The following MINK1 variants were observed in gnomAD, a reference collection of about 807,000 sequenced individuals.
The protein encoded by MINK1 is misshapen like kinase 1.
MINK1 carries 46 observed loss-of-function variants against 178.4 expected under a neutral mutation model. The observed-to-expected ratio is 0.26, with a 90% CI of 0.20 to 0.33. The LOEUF (loss-of-function observed/expected upper bound fraction) is 0.33. MINK1 is among the 10% of genes least tolerant of loss of function. MINK1 has a pLI of 1.00. For missense variants in MINK1, 1,366 were observed against 1,814.9 expected (o/e 0.75, Z 4.49); for synonymous variants, 797 against 709.7 (o/e 1.12, Z -1.96).
Position 4,897,991 on chromosome 17 carries a change from C to CCCCCCCT in MINK1, c.*705_*706insCCCCCTC, listed in dbSNP as rs1555545738. ...GCAAGTAACCCTTCTCCCTCCCCCC[C>CCCCCCCT]CACCCCTCCTCAATGTAGTGGCCTT... On this transcript the variant is annotated 3_prime_UTR_variant, in exon 32 of 32. Coordinates refer to ENST00000355280, the MANE Select transcript of MINK1 (RefSeq NM_153827.5). 3.4e-5 allele frequency: 5 copies of CCCCCCCT among 145,830 alleles called. No individual in the cohort carries two copies. The highest frequency in any genetic ancestry group is 6.8e-5 in the Admixed American group (1 of 14,656). The allele number at this position is 145,830 out of a possible 1,614,324, so 9.0% of individuals were successfully genotyped here.
Position 4,833,798 on chromosome 17 carries a change from G to A in MINK1, c.57+158G>A, listed in dbSNP as rs1908853411. Reference sequence around the variant, plus strand: ...CTTTCCCGGACTCCCGCCGCGGCTGGGCCCCCGCCCTCTGCTCCCTTCTCT... The same window carrying A: ...CTTTCCCGGACTCCCGCCGCGGCTGAGCCCCCGCCCTCTGCTCCCTTCTCT... On this transcript the variant is annotated intron_variant, in intron 1 of 31. Transcript: ENST00000355280. The surrounding 1 kb of genome is among the most constrained non-coding windows in gnomAD (Gnocchi z 4.8). 6.6e-6 allele frequency among the ~76,000 whole-genome samples: 1 copy of A among 151,876 alleles called. No homozygotes were observed. Among genetic ancestry groups the A allele is most frequent in the South Asian group, 2.1e-4 (1 of 4,826 alleles).
intron 4 of MINK1, among the ~76,000 whole-genome samples, chr17:4,883,698 C>CTTTTT (rs35648380): frequency 8.1e-6 from 1 of 123,046 alleles, no homozygotes; most frequent in Admixed American, 8.3e-5. Flanking sequence ...CGCCCGGCTA[C>CTTTTT]TTTTTTTTTT....
intron 1 of MINK1, among the ~76,000 whole-genome samples, chr17:4,871,736 G>T (rs1915881845): frequency 6.6e-6 from 1 of 152,142 alleles, no homozygotes; most frequent in African/African-American, 2.4e-5. Context: ...TTTAACATTT[G>T]AGGAACTGCC....
At position 4,890,681 on chromosome 17, in the gene MINK1, G is replaced by A. The variant is rs530813419; in HGVS notation, c.1512G>A (p.Leu504=). ...TCCTGCCTGGGGACAGGAAGCCCCT[G>A]TACCATTATGGTCGGGGCATGAATC... ...QQLLPGDRKP[L]YHYGRGMNPA... The change falls in exon 14 of 32, where the codon CTG becomes CTA. Residue 504 remains leucine (L), a synonymous_variant. Transcript: ENST00000355280. The A allele has an allele frequency of 1.9e-6, 3 of 1,550,930 alleles. No individual in the cohort carries two copies. Among genetic ancestry groups the A allele is most frequent in the South Asian group, 2.4e-5 (2 of 84,030 alleles).
Position 4,887,537 on chromosome 17 carries a change from C to T in MINK1, c.1020-43C>T. 6.9e-7 allele frequency: 1 copy of T among 1,452,190 alleles called. No homozygotes were observed. Among genetic ancestry groups the T allele is most frequent in the Non-Finnish European group, 9.1e-7 (1 of 1,096,722 alleles). The allele number at this position is 1,452,190 out of a possible 1,614,324, so 90.0% of individuals were successfully genotyped here. ...CCACGGGGTTGAGAGTGGGAACCAA[C>T]AGGGTTCTGACCCCAGTGCTTCTTT... is the stretch of plus-strand genomic sequence containing the variant. On this transcript the variant is annotated intron_variant, in intron 11 of 31. Transcript: ENST00000355280. The surrounding 1 kb of genome is among the most constrained non-coding windows in gnomAD (Gnocchi z 7.6).
chr17:4,843,887 G>A (rs983478025), intron 1 of MINK1, among the ~76,000 whole-genome samples: 14 of 152,194 alleles, frequency 9.2e-5, no homozygotes, highest in African/African-American at 3.4e-4. Flanking sequence ...AGGGAGACCT[G>A]CTCCCACGTG....
chr17:4,893,279 C>T lies in MINK1; in HGVS notation c.2401-155C>T, dbSNP rs966019529. ...CTGGCTCTTTCTTCCCCTGCGGCCCCTCCCAGAGCTATAAGCGAGCAATTG... is the reference window on the plus strand; with the variant it reads ...CTGGCTCTTTCTTCCCCTGCGGCCCTTCCCAGAGCTATAAGCGAGCAATTG... On this transcript the variant is annotated intron_variant, in intron 20 of 31. Coordinates refer to ENST00000355280, the MANE Select transcript of MINK1 (RefSeq NM_153827.5). 6 of 1,613,928 alleles carry T rather than the reference C, an allele frequency of 3.7e-6. No homozygotes were observed. The African/African-American group carries it at 5.3e-5, about 14-fold the overall frequency.
Position 4,887,084 on chromosome 17 carries a change from A to G in MINK1, c.950-26A>G. On this transcript the variant is annotated intron_variant, in intron 10 of 31. Transcript: ENST00000355280. The surrounding 1 kb of genome is among the most constrained non-coding windows in gnomAD (Gnocchi z 7.6). ...CGGCGGGTCTGGGGCGCTGGGTGAG[A>G]TAACTGCAGTGGCCTCCCCCTGCAG... The G allele has an allele frequency of 6.4e-7, 1 of 1,567,500 alleles. No individual in the cohort carries two copies.
chr17:4,876,502 C>T (rs545377719), intron 1 of MINK1, among the ~76,000 whole-genome samples: 5 of 152,310 alleles, frequency 3.3e-5, no homozygotes, highest in Admixed American at 6.5e-5. Context: ...GTCTTCAACA[C>T]GCCCAAGTCG....
chr17:4,865,719 CAAAAAAAA>C (rs141814055), intron 1 of MINK1, among the ~76,000 whole-genome samples: 2 of 101,622 alleles, frequency 2.0e-5, no homozygotes, highest in Non-Finnish European at 4.1e-5. Context: ...CCGTCTCTAC[CAAAAAAAA>C]AAAAAAAAAA....
chr17:4,852,209 A>G (rs969968193), intron 1 of MINK1, among the ~76,000 whole-genome samples: 1 of 152,114 alleles, frequency 6.6e-6, no homozygotes. Context: ...AAACTGCTGC[A>G]TTAAGGAAGG....
rs1968137470 is a variant in MINK1, at chr17:4,885,680, C to A, written c.639+67C>A. On this transcript the variant is annotated intron_variant, in intron 7 of 31. Coordinates refer to ENST00000355280, the MANE Select transcript of MINK1 (RefSeq NM_153827.5). This position sits in a 1 kb window ranked among gnomAD's most constrained non-coding sequence, Gnocchi z 5.0. ...GGGAAGCAATATGGGGACCACGGGG[C>A]CTGAGCAGGCTGGGGAACAGAGGAA... is the stretch of plus-strand genomic sequence containing the variant. The A allele has an allele frequency of 3.1e-6, 5 of 1,594,900 alleles. No individual in the cohort carries two copies. Among genetic ancestry groups the A allele is most frequent in the Middle Eastern group, 1.7e-4 (1 of 5,970 alleles).
intron 1 of MINK1, among the ~76,000 whole-genome samples, chr17:4,843,919 G>A (rs898980653): frequency 2.0e-5 from 3 of 152,118 alleles, no homozygotes; most frequent in Non-Finnish European, 4.4e-5. Flanking sequence ...TTGGGGGTGG[G>A]CACTGAGGGG....
chr17:4,868,760 T>C, intron 1 of MINK1: 1 of 260,588 alleles, frequency 3.8e-6, no homozygotes, highest in Non-Finnish European at 8.0e-6. Flanking sequence ...TTTTTCTTTT[T>C]TTTGAGACAG....
At chr17:4,876,944 C>T (rs900947450) in intron 1 of MINK1, among the ~76,000 whole-genome samples, 2 of 152,110 alleles carry the variant, frequency 1.3e-5, no homozygotes, top group Non-Finnish European at 2.9e-5. Context: ...AAAAAACTAG[C>T]CAGGAGCGGT....
At chr17:4,891,940 T>C (rs1968863554) in intron 16 of MINK1, among the ~76,000 whole-genome samples, 1 of 152,138 alleles carries the variant, frequency 6.6e-6, no homozygotes, top group Non-Finnish European at 1.5e-5. Context: ...CAGGGTGTTT[T>C]GGGAGCGCTA....
rs1384174703 is a variant in MINK1, at chr17:4,885,209, A to G, written c.508+207A>G. Among the ~76,000 whole-genome samples the G allele has an allele frequency of 1.3e-5, 2 of 152,160 alleles. No homozygotes were observed. The highest frequency in any genetic ancestry group is 2.9e-5 in the Non-Finnish European group (2 of 68,024). The stretch of plus-strand genomic sequence containing the variant: ...CTTCACCTGTCACCTGTTACGGGCC[A>G]GGTGCTCTGCAGGTTGCTCTGGGGA... On this transcript the variant is annotated intron_variant, in intron 6 of 31. Coordinates refer to ENST00000355280, the MANE Select transcript of MINK1 (RefSeq NM_153827.5). This position sits in a 1 kb window ranked among gnomAD's most constrained non-coding sequence, Gnocchi z 5.0.
Position 4,886,049 on chromosome 17 carries a change from A to T in MINK1, c.695-71A>T. On this transcript the variant is annotated intron_variant, in intron 8 of 31. Coordinates refer to ENST00000355280, the MANE Select transcript of MINK1 (RefSeq NM_153827.5). This position sits in a 1 kb window ranked among gnomAD's most constrained non-coding sequence, Gnocchi z 6.1. The stretch of plus-strand genomic sequence containing the variant: ...CTGTAGGGAGGAGGTGGGTCCTGGG[A>T]CCCTGCCGAGGAAGGGTCCTGTAGC... The T allele has an allele frequency of 6.2e-7, 1 of 1,609,558 alleles. No homozygotes were observed. The highest frequency in any genetic ancestry group is 8.5e-7 in the Non-Finnish European group (1 of 1,176,114).
chr17:4,870,637 C>T (rs909505683), intron 1 of MINK1, among the ~76,000 whole-genome samples: 12 of 151,726 alleles, frequency 7.9e-5, no homozygotes, highest in African/African-American at 2.4e-4. Flanking sequence ...CCAGCTTGGG[C>T]GACATAGTGA....
Sources: gnomAD v4.1 joint callset for allele counts (sites outside exome capture counted in the v4.1 genomes callset) on GRCh38, gnomAD v4.1.1 for gene constraint, Gnocchi (gnomAD v3.1) non-coding constraint, MANE v1.5 for transcripts, NCBI Gene and HGNC (gene_info 2026-07-23, HGNC 2026-07-21) for gene names.